The following SLFN11 variants were observed in gnomAD, a reference collection of about 807,000 sequenced individuals.
SLFN11 encodes schlafen family member 11.
Under a neutral mutation model 53.4 loss-of-function variants are expected in SLFN11, and 43 were observed. The ratio of observed to expected loss-of-function variants is 0.80; its 90% CI spans 0.63 to 1.04. The LOEUF (loss-of-function observed/expected upper bound fraction) is 1.04, where lower values mean the gene tolerates loss of function less well. Ranked by LOEUF, SLFN11 falls within the 50% of genes least tolerant of loss-of-function variation. The pLI, the probability that SLFN11 is intolerant of heterozygous loss-of-function variation, is 0.00. For missense variants in SLFN11, 990 were observed against 1,079.1 expected (o/e 0.92, Z 1.16); for synonymous variants, 389 against 394.7 (o/e 0.99, Z 0.17).
chr17:35,352,644 T>C lies in SLFN11; in HGVS notation c.2418A>G (p.Pro806=). Residue 806 remains proline (P), a synonymous_variant, in exon 7 of 7, where the codon CCA becomes CCG. Coordinates refer to ENST00000685675, the MANE Select transcript of SLFN11 (RefSeq NM_001376007.1). ...CRRFFDRGYS[P]KDVAVLVSTA... ...TGCTGACAAGCACAGCAACATCCTT[T>C]GGAGAATAGCCCCTATCAAAGAAGC... 6.2e-7 allele frequency: 1 copy of C among 1,614,164 alleles called. No individual in the cohort carries two copies. The highest frequency in any genetic ancestry group is 1.1e-5 in the South Asian group (1 of 91,084).
intron 5 of SLFN11, among the ~76,000 whole-genome samples, 198 bp from the exon 6 acceptor site, chr17:35,354,257 G>GT (rs1907188733): frequency 6.6e-6 from 1 of 152,006 alleles, no homozygotes; most frequent in Non-Finnish European, 1.5e-5. Context: ...AAACCCATGT[G>GT]TTTTTTACAA....
chr17:35,352,986 C>T lies in SLFN11; in HGVS notation c.2076G>A (p.Lys692=), dbSNP rs762051068. 5 of 1,614,088 alleles carry T rather than the reference C, an allele frequency of 3.1e-6. No individual in the cohort carries two copies. In the African/African-American group the frequency reaches 5.3e-5, roughly 17 times the overall value. Residue 692 remains lysine (K), a synonymous_variant, in exon 7 of 7, where the codon AAG becomes AAA. Transcript: ENST00000685675. ...GKAKSITRRA[K]GGPGILWIFL... ...AGATCCAGAGAATTCCTGGGCCACC[C>T]TTTGCTCTCCGAGTGATGCTTTTTG...
At position 35,353,687 on chromosome 17, in the gene SLFN11, T is replaced by C. The variant is rs762140615; in HGVS notation, c.1571A>G (p.Glu524Gly). Residue 524 changes from glutamate (E) to glycine (G), a missense_variant, in exon 6 of 7, where the codon GAG becomes GGG. Transcript: ENST00000685675. ...CGGAGACACTGCAGCCTCCAAGGCC[T>C]CTGCGCTGCTCTCAGGACTCAGGCA... ...VLCLSPESSA[E>G]ALEAAVSPMD... 11 of 1,323,182 alleles carry C rather than the reference T, an allele frequency of 8.3e-6. No individual in the cohort carries two copies. The highest frequency in any genetic ancestry group is 5.3e-5 in the Admixed American group (2 of 37,972). 82.0% of individuals were successfully genotyped at this position (1,323,182 alleles called of 1,614,324 possible).
In SLFN11 at chr17:35,351,447, A is replaced by G. The variant is rs1339704422; in HGVS notation, c.*909T>C. 6.6e-6 allele frequency: 1 copy of G among 152,224 alleles called. No homozygotes were observed. Among genetic ancestry groups the G allele is most frequent in the African/African-American group, 2.4e-5 (1 of 41,452 alleles). The allele number at this position is 152,224 out of a possible 1,614,324, so 9.4% of individuals were successfully genotyped here. A position where few individuals can be genotyped will look rare whatever the true frequency, so the allele number is the denominator to read the frequency against. ...AACCATGAAAGTAAATAGAAAAAAA[A>G]TCACAGTTCAAGAATAACATAAAAC... On this transcript the variant is annotated 3_prime_UTR_variant, in exon 7 of 7. Transcript: ENST00000685675.
chr17:35,372,098 A>G (rs1247922095), intron 1 of SLFN11, among the ~76,000 whole-genome samples: 1 of 152,170 alleles, frequency 6.6e-6, no homozygotes, highest in Non-Finnish European at 1.5e-5. Context: ...TGAATGGATA[A>G]AGAAAATGAT....
chr17:35,358,088 C>T (rs1204248678), intron 5 of SLFN11, among the ~76,000 whole-genome samples: 1 of 150,556 alleles, frequency 6.6e-6, no homozygotes, highest in Non-Finnish European at 1.5e-5. Flanking sequence ...GTTGACTCTT[C>T]CTTCAAAGTA....
chr17:35,362,831 G>C lies in SLFN11; in HGVS notation c.977C>G (p.Ser326Ter), dbSNP rs141439855. 1.2e-4 allele frequency: 199 copies of C among 1,613,592 alleles called. No individual in the cohort carries two copies. The highest frequency in any genetic ancestry group is 1.6e-4 in the Non-Finnish European group (189 of 1,179,860). ...CACTATCCATGAATTGGGAGCTTCTGAGAACACTGCACAGCAGAAGGGATT... is the reference window on the plus strand; with the variant it reads ...CACTATCCATGAATTGGGAGCTTCTCAGAACACTGCACAGCAGAAGGGATT... ...RVNPFCCAVF[S>*]EAPNSWIVED... The change falls in exon 4 of 7, where the codon TCA (serine) becomes TGA (stop). Residue 326 changes from serine (S) to a stop codon, truncating the protein, a stop_gained. Transcript: ENST00000685675. LOFTEE classifies it high-confidence loss of function.
intron 3 of SLFN11, among the ~76,000 whole-genome samples, chr17:35,364,671 TA>T (rs1908725684): frequency 6.6e-6 from 1 of 152,156 alleles, no homozygotes; most frequent in Admixed American, 6.5e-5. Context: ...CCTAGATATT[TA>T]ATCTTTCTAA....
Position 35,363,409 on chromosome 17 carries a change from G to T in SLFN11, c.399C>A (p.Tyr133Ter), listed in dbSNP as rs151038553. Residue 133 changes from tyrosine (Y) to a stop codon, truncating the protein, a stop_gained, in exon 4 of 7, where the codon TAC becomes TAA. Coordinates refer to ENST00000685675, the MANE Select transcript of SLFN11 (RefSeq NM_001376007.1). LOFTEE classifies it high-confidence loss of function. ...AACGCACAGAGGTCTCAGATCTACG[G>T]TATAATGAAGAACTGAGGCTGCAAA... ...PRLCSLSSSL[Y>*]RRSETSVRSM... is the part of the protein sequence containing the mutation. 1 of 1,613,930 alleles carries T rather than the reference G, an allele frequency of 6.2e-7. No individual in the cohort carries two copies. Among genetic ancestry groups the T allele is most frequent in the Non-Finnish European group, 8.5e-7 (1 of 1,179,968 alleles).
At chr17:35,369,436 T>C (rs1909379376) in intron 1 of SLFN11, among the ~76,000 whole-genome samples, 1 of 152,030 alleles carries the variant, frequency 6.6e-6, no homozygotes, top group South Asian at 2.1e-4. Flanking sequence ...GCCAGCTCAG[T>C]CCCAGTAGAA....
rs745482237 is a variant in SLFN11 at position 35,351,710 on chromosome 17, T to C, written c.*646A>G. On this transcript the variant is annotated 3_prime_UTR_variant, in exon 7 of 7. Coordinates refer to ENST00000685675, the MANE Select transcript of SLFN11 (RefSeq NM_001376007.1). The stretch of plus-strand genomic sequence containing the variant: ...TTAAAGTGACCATTAATATTCACTA[T>C]CACAATTAAGGCTTGGTCTGGGCCA... 6.6e-6 allele frequency: 1 copy of C among 152,256 alleles called. No homozygotes were observed. The highest frequency in any genetic ancestry group is 1.5e-5 in the Non-Finnish European group (1 of 68,084). 9.4% of individuals were successfully genotyped at this position (152,256 alleles called of 1,614,324 possible). A position where few individuals can be genotyped will look rare whatever the true frequency, so the allele number is the denominator to read the frequency against.
At chr17:35,355,567 A>C (rs935699215) in intron 5 of SLFN11, among the ~76,000 whole-genome samples, 1 of 152,140 alleles carries the variant, frequency 6.6e-6, no homozygotes, top group Non-Finnish European at 1.5e-5. Flanking sequence ...AAAGTCACTA[A>C]AACACTTGAT....
In SLFN11 at chr17:35,352,600, T is replaced by C; in HGVS notation, c.2462A>G (p.His821Arg). ...TGCTTTCAAGAGCTCATACTTATAGTGCTCCACTTCTTTTGCGGTGCTGAC... is the reference window on the plus strand; with the variant it reads ...TGCTTTCAAGAGCTCATACTTATAGCGCTCCACTTCTTTTGCGGTGCTGAC... ...VLVSTAKEVE[H>R]YKYELLKAMR... Residue 821 changes from histidine (H) to arginine (R), a missense_variant, in exon 7 of 7, where the codon CAC (histidine) becomes CGC (arginine). Transcript: ENST00000685675. 6.2e-7 allele frequency: 1 copy of C among 1,614,210 alleles called. No individual in the cohort carries two copies.
In SLFN11 at chr17:35,352,735, G is replaced by A; in HGVS notation, c.2327C>T (p.Thr776Ile). The A allele has an allele frequency of 1.2e-6, 2 of 1,614,186 alleles. No individual in the cohort carries two copies. The highest frequency in any genetic ancestry group is 1.7e-6 in the Non-Finnish European group (2 of 1,180,050). ...EAEWSQGVQGTLRIKKYLTVE... is the reference protein window; with the variant it reads ...EAEWSQGVQGILRIKKYLTVE... ...AGTCAAGTATTTCTTAATTCGTAAG[G>A]TTCCCTGAACACCCTGGGACCATTC... The change falls in exon 7 of 7, where the codon ACC becomes ATC. Residue 776 changes from threonine to isoleucine, a missense_variant. Around this residue, in one of 3 missense-constraint regions of SLFN11, gnomAD observed 313 missense variants for 320.9 expected, o/e 0.98. Coordinates refer to ENST00000685675, the MANE Select transcript of SLFN11 (RefSeq NM_001376007.1).
At chr17:35,355,399 C>G (rs923370148) in intron 5 of SLFN11, among the ~76,000 whole-genome samples, 2 of 151,754 alleles carry the variant, frequency 1.3e-5, no homozygotes, top group Admixed American at 1.3e-4. Flanking sequence ...GATACTGTCT[C>G]AAAAAATAAA....
rs1197916266 is a variant in SLFN11 at position 35,373,483 on chromosome 17, G to C, written c.-244C>G. The C allele has an allele frequency of 6.6e-6, 1 of 151,714 alleles. No homozygotes were observed. The highest frequency in any genetic ancestry group is 1.5e-5 in the Non-Finnish European group (1 of 67,984). The allele number at this position is 151,714 out of a possible 1,614,324, so 9.4% of individuals were successfully genotyped here. A position where few individuals can be genotyped will look rare whatever the true frequency, so the allele number is the denominator to read the frequency against. On this transcript the variant is annotated 5_prime_UTR_variant, in exon 1 of 7. Coordinates refer to ENST00000685675, the MANE Select transcript of SLFN11 (RefSeq NM_001376007.1). ...TGCTCCCTTCTCGAACCTGGCACTC[G>C]AGTTACAGCCCGACGCGGATTCGGC... is the stretch of plus-strand genomic sequence containing the variant.
chr17:35,363,244 A>T lies in SLFN11; in HGVS notation c.564T>A (p.Asp188Glu). ...PNSDPADPNS[D>E]PADLIFQKDY... ...CTTTTTGGAAAATTAGGTCAGCAGG[A>T]TCCGAGTTTGGGTCAGCAGGATCCG... Residue 188 changes from aspartate to glutamate, a missense_variant, in exon 4 of 7, where the codon GAT (aspartate) becomes GAA (glutamate). Physicochemically the swap from Asp to Glu is conservative, Grantham distance 45 (BLOSUM62 2). Coordinates refer to ENST00000685675, the MANE Select transcript of SLFN11 (RefSeq NM_001376007.1). 6.2e-7 allele frequency: 1 copy of T among 1,614,078 alleles called. No homozygotes were observed. The highest frequency in any genetic ancestry group is 1.7e-5 in the Admixed American group (1 of 60,018).
intron 6 of SLFN11, 57 bp from the exon 7 acceptor site, chr17:35,353,196 T>C: frequency 6.3e-7 from 1 of 1,592,586 alleles, no homozygotes; most frequent in South Asian, 1.2e-5. Context: ...GGGGAGAAAA[T>C]AATTGTATCA....
At chr17:35,354,250 C>T (rs1266509295) in intron 5 of SLFN11, among the ~76,000 whole-genome samples, 191 bp from the exon 6 acceptor site, 1 of 151,946 alleles carries the variant, frequency 6.6e-6, no homozygotes, top group African/African-American at 2.4e-5. Flanking sequence ...TTCATCTAAA[C>T]CCATGTGTTT....
Sources: gnomAD v4.1 joint callset for allele counts (sites outside exome capture counted in the v4.1 genomes callset) on GRCh38, gnomAD v4.1.1 for gene constraint, gnomAD v4.1.1 regional missense constraint, MANE v1.5 for transcripts, NCBI Gene and HGNC (gene_info 2026-07-23, HGNC 2026-07-21) for gene names.